The following ELAVL4 variants were observed in gnomAD, a reference collection of about 807,000 sequenced individuals.
ELAVL4 encodes the protein ELAV-like protein 4.
ELAVL4 carries 1 observed loss-of-function variant against 35.6 expected under a neutral mutation model. The observed-to-expected ratio is 0.03, with a 90% CI of 0.01 to 0.13. ELAVL4 has a LOEUF of 0.13. Among genes scored for constraint, ELAVL4 ranks in the 10% least tolerant of loss-of-function variants. The pLI is 1.00. For missense variants in ELAVL4, 267 were observed against 464.9 expected, an observed-to-expected ratio of 0.57 and a Z score of 3.91; for synonymous variants, 156 against 171.0, an observed-to-expected ratio of 0.91 and a Z score of 0.69.
chr1:50,097,875 A>C (rs1489085720), intron 1 of ELAVL4, among the ~76,000 whole-genome samples: 2 of 152,178 alleles, frequency 1.3e-5, no homozygotes, highest in Non-Finnish European at 2.9e-5. Context: ...TTACTGTTCT[A>C]AGTCCTTGTG....
chr1:50,053,591 C>A (rs1348107729), intron 1 of ELAVL4, among the ~76,000 whole-genome samples: 1 of 152,150 alleles, frequency 6.6e-6, no homozygotes, highest in Non-Finnish European at 1.5e-5. Flanking sequence ...CTCAAGTGAT[C>A]CTCCCACCTC....
intron 3 of ELAVL4, among the ~76,000 whole-genome samples, chr1:50,178,220 G>A (rs1205149153): frequency 1.3e-5 from 2 of 152,184 alleles, no homozygotes; most frequent in Admixed American, 6.5e-5. Flanking sequence ...TTATCCTCAC[G>A]ACAGCAGGTC....
chr1:50,097,908 A>G lies in ELAVL4; in HGVS notation c.19-47049A>G, dbSNP rs948175490. Among the ~76,000 whole-genome samples the G allele has an allele frequency of 2.6e-5, 4 of 152,206 alleles. No homozygotes were observed. The South Asian group carries it at 8.3e-4, about 31-fold the overall frequency. ...GTGTGTTTTGTTTCCTTTTGCCCCA[A>G]GGTACCCATGTGCTAACAAATAATA... On this transcript the variant is annotated intron_variant, in intron 1 of 6. Coordinates refer to the ELAVL4 transcript ENST00000448907.
At chr1:50,109,377 G>C (rs1212274826) in intron 1 of ELAVL4, among the ~76,000 whole-genome samples, 179 bp downstream of exon 1, 1 of 152,016 alleles carries the variant, frequency 6.6e-6, no homozygotes, top group African/African-American at 2.4e-5. Flanking sequence ...AAAAGCAATG[G>C]GGATATAAGA....
intron 2 of ELAVL4, among the ~76,000 whole-genome samples, chr1:50,176,449 G>A (rs1195296796): frequency 6.6e-6 from 1 of 152,254 alleles, no homozygotes; most frequent in African/African-American, 2.4e-5. Context: ...TCTGAATGTG[G>A]GTGTGGCTGG....
intron 1 of ELAVL4, among the ~76,000 whole-genome samples, chr1:50,123,230 G>A (rs1316389671): frequency 6.6e-6 from 1 of 152,026 alleles, no homozygotes; most frequent in Non-Finnish European, 1.5e-5. Context: ...ATCCTTGCCT[G>A]TTGACACAAT....
intron 1 of ELAVL4, among the ~76,000 whole-genome samples, chr1:50,126,436 G>A (rs145670548): frequency 3.3e-5 from 5 of 152,058 alleles, no homozygotes; most frequent in African/African-American, 4.8e-5. Context: ...CTTTTTAGTG[G>A]GGGATGAAGG....
At chr1:50,139,453 T>C (rs1672448375) in intron 1 of ELAVL4, among the ~76,000 whole-genome samples, 2 of 152,210 alleles carry the variant, frequency 1.3e-5, no homozygotes, top group Non-Finnish European at 2.9e-5. Flanking sequence ...TTGGGCTTCA[T>C]GGACCCTAAT....
At chr1:50,106,797 G>A (rs891059592), upstream of ELAVL4, among the ~76,000 whole-genome samples, 4 of 152,120 alleles carry the variant, frequency 2.6e-5, no homozygotes, top group African/African-American at 9.7e-5. Context: ...TATACAAAAT[G>A]CATGAATTTT....
At chr1:50,125,164 G>A (rs1319368713) in intron 1 of ELAVL4, among the ~76,000 whole-genome samples, 3 of 151,820 alleles carry the variant, frequency 2.0e-5, no homozygotes, top group Non-Finnish European at 2.9e-5. Context: ...ACTTGAGCCC[G>A]GGAGTTTGAG....
chr1:50,102,058 C>G (rs575955512), upstream of ELAVL4, among the ~76,000 whole-genome samples: 9 of 152,208 alleles, frequency 5.9e-5, 1 homozygote, highest in South Asian at 1.7e-3. Context: ...GAGGCCGTGG[C>G]GGGCAGATCA....
At chr1:50,086,241 T>C (rs1665234869) in intron 1 of ELAVL4, among the ~76,000 whole-genome samples, 1 of 152,096 alleles carries the variant, frequency 6.6e-6, no homozygotes, top group East Asian at 1.9e-4. Flanking sequence ...TGGGTTACTT[T>C]TTTTTCCTAG....
chr1:50,193,014 G>T (rs1312646891), intron 3 of ELAVL4, among the ~76,000 whole-genome samples: 1 of 152,098 alleles, frequency 6.6e-6, no homozygotes, highest in Admixed American at 6.5e-5. Flanking sequence ...CATTGGTGAG[G>T]CTCTCTTCTC....
chr1:50,146,417 C>G (rs1673737412), intron 2 of ELAVL4, among the ~76,000 whole-genome samples: 1 of 152,146 alleles, frequency 6.6e-6, no homozygotes, highest in Non-Finnish European at 1.5e-5. Context: ...GAAGATAATG[C>G]TTGTCTCAAA....
chr1:50,170,414 C>T (rs988022827), intron 2 of ELAVL4, among the ~76,000 whole-genome samples: 26 of 152,126 alleles, frequency 1.7e-4, no homozygotes, highest in African/African-American at 6.0e-4. Context: ...TTCTCTGTTA[C>T]CATGAGTTGG....
intron 6 of ELAVL4, among the ~76,000 whole-genome samples, chr1:50,200,013 T>C (rs913461596): frequency 2.0e-5 from 3 of 152,218 alleles, no homozygotes; most frequent in Non-Finnish European, 4.4e-5. Flanking sequence ...CGATTCAAGA[T>C]ATATAAATGC....
chr1:50,053,578 G>C (rs994430213), intron 1 of ELAVL4, among the ~76,000 whole-genome samples: 2 of 152,034 alleles, frequency 1.3e-5, no homozygotes, highest in African/African-American at 4.8e-5. Context: ...TCAAACTCCT[G>C]GCCTCAAGTG....
chr1:50,096,350 G>A (rs1020978700), intron 1 of ELAVL4, among the ~76,000 whole-genome samples: 1 of 149,740 alleles, frequency 6.7e-6, no homozygotes, highest in Non-Finnish European at 1.5e-5. Context: ...TGCTTAGTGA[G>A]GCTGAGGCCT....
chr1:50,159,279 A>G (rs1047854895), intron 2 of ELAVL4, among the ~76,000 whole-genome samples: 1 of 152,178 alleles, frequency 6.6e-6, no homozygotes, highest in Non-Finnish European at 1.5e-5. Flanking sequence ...TCTGTGACCA[A>G]ATGAGTTTGA....
Sources: allele counts gnomAD v4.1 joint callset (sites outside exome capture counted in the v4.1 genomes callset), GRCh38; gene constraint gnomAD v4.1.1; transcripts MANE v1.5; gene names NCBI Gene and HGNC (gene_info 2026-07-23, HGNC 2026-07-21).